The following CHIC2 variants were observed in gnomAD, a reference collection of about 807,000 sequenced individuals.
CHIC2 encodes the protein cysteine-rich hydrophobic domain-containing protein 2.
In CHIC2, 14 loss-of-function variants were observed where a neutral mutation model predicts 25.9. That is an observed-to-expected ratio of 0.54 (90% confidence interval 0.36 to 0.85). The LOEUF is 0.85. CHIC2 is among the 40% of genes least tolerant of loss of function. CHIC2 has a pLI of 0.01. For synonymous variants in CHIC2, 70 were observed against 72.0 expected, an observed-to-expected ratio of 0.97 and a Z score of 0.14; for missense variants, 146 against 202.0, an observed-to-expected ratio of 0.72 and a Z score of 1.68.
chr4:54,087,652 G>T, the CHIC2 span: 1 of 565,154 alleles, frequency 1.8e-6, no homozygotes, highest in Non-Finnish European at 3.1e-6. Context: ...TATATCCCTT[G>T]ATGAGAAGAG....
At chr4:54,073,939 A>ATC in the CHIC2 span, among the ~76,000 whole-genome samples, 1 of 152,088 alleles carries the variant, frequency 6.6e-6, no homozygotes, top group African/African-American at 2.4e-5. Context: ...GGCAGATCAC[A>ATC]AGGTCAAGAG....
At chr4:54,044,629 C>T (rs1351398149) in intron 3 of CHIC2, among the ~76,000 whole-genome samples, 1 of 152,096 alleles carries the variant, frequency 6.6e-6, no homozygotes, top group African/African-American at 2.4e-5. Context: ...ACCAGAATCT[C>T]TGGGACACAT....
rs539402006 is a variant in CHIC2 at position 54,024,191 on chromosome 4, C to T, written c.331-10072G>A. Among the ~76,000 whole-genome samples the T allele has an allele frequency of 2.6e-5, 4 of 152,288 alleles. No homozygotes were observed. The East Asian group carries it at 5.8e-4, about 22-fold the overall frequency. On this transcript the variant is annotated intron_variant, in intron 3 of 5. Transcript: ENST00000263921. ...GACCAAGGAAAATATCTCCTTCCAG[C>T]CTCACAGGCCCATTCTATTCTGTCG...
chr4:54,059,683 T>C (rs941590631), intron 1 of CHIC2: 2 of 152,224 alleles, frequency 1.3e-5, no homozygotes, highest in Non-Finnish European at 2.9e-5. Context: ...GTGATAAGTA[T>C]TCTATTATAG....
At chr4:54,061,289 C>A (rs952717676) in intron 1 of CHIC2, 1 of 151,970 alleles carries the variant, frequency 6.6e-6, no homozygotes, top group African/African-American at 2.4e-5. Flanking sequence ...ATGCCAATCA[C>A]GTCACGTGAG....
At chr4:54,063,277 A>T (rs1717393110) in intron 1 of CHIC2, among the ~76,000 whole-genome samples, 3 of 152,238 alleles carry the variant, frequency 2.0e-5, no homozygotes, top group Non-Finnish European at 4.4e-5. Context: ...CTATTATTTG[A>T]ACAAGAGATC....
intron 1 of CHIC2, among the ~76,000 whole-genome samples, chr4:54,062,632 AG>A (rs1717372507): frequency 6.6e-6 from 1 of 152,176 alleles, no homozygotes; most frequent in Non-Finnish European, 1.5e-5. Context: ...TCCTTAACAG[AG>A]GAAACATTAC....
upstream of CHIC2, among the ~76,000 whole-genome samples, chr4:54,067,352 T>C (rs1408407351): frequency 6.6e-6 from 1 of 151,920 alleles, no homozygotes; most frequent in African/African-American, 2.4e-5. Flanking sequence ...CTGAAAAACC[T>C]GTCAGAGCCA....
At chr4:54,046,833 A>T (rs1433596561) in intron 3 of CHIC2, among the ~76,000 whole-genome samples, 1 of 152,240 alleles carries the variant, frequency 6.6e-6, no homozygotes, top group Non-Finnish European at 1.5e-5. Flanking sequence ...TCTGCACAGC[A>T]AAAGAAACTA....
At chr4:54,011,073 A>C (rs892836024) in intron 5 of CHIC2, among the ~76,000 whole-genome samples, 1 of 152,130 alleles carries the variant, frequency 6.6e-6, no homozygotes, top group African/African-American at 2.4e-5. Context: ...TATTAAATAG[A>C]TGGTGATTTA....
rs1388754079 is a variant in CHIC2, at chr4:54,064,157, G to A, written c.119+25C>T. ...GGGCCCACCCCAGCCCGCACCTCCCGCCCTCGCCCTCCTCCGGGCCTTACA... is the reference window on the plus strand; with the variant it reads ...GGGCCCACCCCAGCCCGCACCTCCCACCCTCGCCCTCCTCCGGGCCTTACA... On this transcript the variant is annotated intron_variant, in intron 1 of 5. Coordinates refer to ENST00000263921, the MANE Select transcript of CHIC2 (RefSeq NM_012110.4). The surrounding 1 kb of genome is among the most constrained non-coding windows in gnomAD (Gnocchi z 4.2). 1.9e-6 allele frequency: 3 copies of A among 1,580,732 alleles called. No homozygotes were observed. Among genetic ancestry groups the A allele is most frequent in the Non-Finnish European group, 2.6e-6 (3 of 1,161,490 alleles).
upstream of CHIC2, among the ~76,000 whole-genome samples, chr4:54,066,590 T>C (rs1055994656): frequency 9.2e-5 from 14 of 151,998 alleles, no homozygotes; most frequent in Non-Finnish European, 1.8e-4. Context: ...AATGGTCTAA[T>C]TGAGTATACT....
intron 3 of CHIC2, among the ~76,000 whole-genome samples, chr4:54,031,196 C>T (rs1433029291): frequency 1.3e-5 from 2 of 150,660 alleles, no homozygotes; most frequent in Non-Finnish European, 3.0e-5. Flanking sequence ...AAAAACCTAA[C>T]GCTGAGAGAG....
Position 54,017,690 on chromosome 4 carries a change from T to C in CHIC2, c.331-3571A>G, listed in dbSNP as rs535533505. Among the ~76,000 whole-genome samples, 13 of 152,256 alleles carry C rather than the reference T, an allele frequency of 8.5e-5. No individual in the cohort carries two copies. In the South Asian group the frequency reaches 1.7e-3, roughly 19 times the overall value. ...AAGGACCAAGACCACCAACTCACAA[T>C]ATGCAGGAAAAACAACTTTTTTGTG... On this transcript the variant is annotated intron_variant, in intron 3 of 5. Coordinates refer to ENST00000263921, the MANE Select transcript of CHIC2 (RefSeq NM_012110.4).
Position 54,010,026 on chromosome 4 carries a change from G to GGA in CHIC2, c.*67_*68dup. Reference sequence around the variant, plus strand: ...TAGAACCAATGTTATGTCACCACCAGGAGAGCACCAAGCAAGGCACCATTG... The same window carrying GGA: ...TAGAACCAATGTTATGTCACCACCAGGAGAGAGCACCAAGCAAGGCACCATTG... On this transcript the variant is annotated 3_prime_UTR_variant, in exon 6 of 6. Transcript: ENST00000263921. 1 of 1,041,972 alleles carries GGA rather than the reference G, an allele frequency of 9.6e-7. No homozygotes were observed. Among genetic ancestry groups the GGA allele is most frequent in the Admixed American group, 1.9e-5 (1 of 52,706 alleles). The allele number at this position is 1,041,972 out of a possible 1,614,324, so 64.5% of individuals were successfully genotyped here.
At chr4:54,043,692 C>A (rs1024509519) in intron 3 of CHIC2, among the ~76,000 whole-genome samples, 2 of 152,156 alleles carry the variant, frequency 1.3e-5, no homozygotes, top group African/African-American at 4.8e-5. Context: ...CCAGCCACTG[C>A]AAAAACATGC....
At chr4:54,056,275 T>C (rs915672942) in intron 1 of CHIC2, among the ~76,000 whole-genome samples, 2 of 152,188 alleles carry the variant, frequency 1.3e-5, no homozygotes, top group Non-Finnish European at 2.9e-5. Flanking sequence ...TGATCTAACT[T>C]AACAACTTTT....
upstream of CHIC2, chr4:54,064,729 G>A: frequency 1.1e-6 from 1 of 881,558 alleles, no homozygotes; most frequent in Non-Finnish European, 1.4e-6. This position sits in a 1 kb window ranked among gnomAD's most constrained non-coding sequence, Gnocchi z 4.2. Flanking sequence ...TGGCGGGCGG[G>A]CGGGCGCGCG....
intron 3 of CHIC2, among the ~76,000 whole-genome samples, chr4:54,019,817 T>C (rs919095653): frequency 2.6e-5 from 4 of 151,968 alleles, no homozygotes; most frequent in Non-Finnish European, 5.9e-5. Context: ...TCTAGTCAAA[T>C]AAAAATGCGC....
Sources: gnomAD v4.1 joint callset for allele counts (sites outside exome capture counted in the v4.1 genomes callset) on GRCh38, gnomAD v4.1.1 for gene constraint, Gnocchi (gnomAD v3.1) non-coding constraint, MANE v1.5 for transcripts, NCBI Gene and HGNC (gene_info 2026-07-23, HGNC 2026-07-21) for gene names.